Variants in UBE2E2 observed in about 807,000 individuals in gnomAD.
UBE2E2 encodes the protein ubiquitin conjugating enzyme E2 E2, also known as ubiquitin-conjugating enzyme E2 E2.
A neutral mutation model predicts 24.7 loss-of-function variants in UBE2E2; 6 were observed. That is an observed-to-expected ratio of 0.24 (90% CI 0.13 to 0.48). UBE2E2 has a LOEUF of 0.48. Ranked by LOEUF, UBE2E2 falls within the 20% of genes least tolerant of loss-of-function variation. UBE2E2 has a pLI of 0.99. For missense variants in UBE2E2, 169 were observed against 245.0 expected, an observed-to-expected ratio of 0.69 and a Z score of 2.07; for synonymous variants, 104 against 83.6, an observed-to-expected ratio of 1.24 and a Z score of -1.33.
intron 5 of UBE2E2, among the ~76,000 whole-genome samples, chr3:23,582,514 T>A (rs1696506917): frequency 6.6e-6 from 1 of 152,228 alleles, no homozygotes; most frequent in South Asian, 2.1e-4. Context: ...CGCTTTACAC[T>A]CCCACCAGCA....
chr3:23,449,289 A>G (rs1329565769), intron 3 of UBE2E2, among the ~76,000 whole-genome samples: 3 of 152,238 alleles, frequency 2.0e-5, no homozygotes, highest in Admixed American at 6.5e-5. Flanking sequence ...GACTGCTTAC[A>G]TGGATTTCTT....
At chr3:23,214,567 AGTTTTTTTTTT>A (rs1233711570) in intron 2 of UBE2E2, among the ~76,000 whole-genome samples, 2 of 151,210 alleles carry the variant, frequency 1.3e-5, no homozygotes, top group African/African-American at 4.9e-5. Flanking sequence ...AGGATTTATG[AGTTTTTTTTTT>A]GTTTTTTTTT....
chr3:23,304,545 T>C (rs886675724), intron 3 of UBE2E2, among the ~76,000 whole-genome samples: 25 of 152,228 alleles, frequency 1.6e-4, no homozygotes, highest in African/African-American at 6.0e-4. Context: ...AATGTCTGAC[T>C]TAACAGACCA....
intron 3 of UBE2E2, among the ~76,000 whole-genome samples, chr3:23,492,467 C>T (rs1420262539): frequency 6.6e-6 from 1 of 152,206 alleles, no homozygotes; most frequent in African/African-American, 2.4e-5. Context: ...CAATCACACA[C>T]ATACTTTAAG....
At chr3:23,357,839 A>G (rs1471077836) in intron 3 of UBE2E2, among the ~76,000 whole-genome samples, 2 of 126,550 alleles carry the variant, frequency 1.6e-5, no homozygotes, top group African/African-American at 6.0e-5. Flanking sequence ...ACGGAAGGAA[A>G]TCTATTTAAT....
At chr3:23,366,298 A>G (rs1341986548) in intron 3 of UBE2E2, among the ~76,000 whole-genome samples, 1 of 152,208 alleles carries the variant, frequency 6.6e-6, no homozygotes, top group Non-Finnish European at 1.5e-5. Context: ...CAACCCAGCA[A>G]TCCCTTTATT....
At chr3:23,216,903 C>G (rs527609263) in intron 2 of UBE2E2, among the ~76,000 whole-genome samples, 1 of 152,236 alleles carries the variant, frequency 6.6e-6, no homozygotes, top group East Asian at 1.9e-4. Flanking sequence ...AACTTAATAT[C>G]AGCTTTCCAT....
At chr3:23,276,782 CT>C (rs1698383381) in intron 3 of UBE2E2, among the ~76,000 whole-genome samples, 1 of 151,940 alleles carries the variant, frequency 6.6e-6, no homozygotes, top group African/African-American at 2.4e-5. Context: ...AGCATTTGTA[CT>C]TTTTGTGAAA....
At chr3:23,315,929 C>T (rs990684926) in intron 3 of UBE2E2, among the ~76,000 whole-genome samples, 1 of 152,048 alleles carries the variant, frequency 6.6e-6, no homozygotes, top group Non-Finnish European at 1.5e-5. Context: ...TCTGGATTAC[C>T]TGGCAGAGAC....
chr3:23,500,733 C>T (rs1025967932), intron 4 of UBE2E2, among the ~76,000 whole-genome samples: 2 of 152,166 alleles, frequency 1.3e-5, no homozygotes, highest in Admixed American at 6.5e-5. Context: ...TCCTTTCTTC[C>T]TTCCTTTCCA....
At chr3:23,353,330 C>A (rs1228267113) in intron 3 of UBE2E2, among the ~76,000 whole-genome samples, 1 of 151,946 alleles carries the variant, frequency 6.6e-6, no homozygotes, top group Non-Finnish European at 1.5e-5. Flanking sequence ...TGGCACAAGA[C>A]AGGGATGCCC....
intron 3 of UBE2E2, among the ~76,000 whole-genome samples, chr3:23,421,239 T>G (rs1238359710): frequency 2.0e-5 from 3 of 152,222 alleles, no homozygotes; most frequent in Admixed American, 2.0e-4. Context: ...GGCATTAAAC[T>G]CTACATAATT....
intron 1 of UBE2E2, 74 bp downstream of exon 1, chr3:23,203,538 C>T (rs1696028980): frequency 7.9e-6 from 7 of 882,200 alleles, no homozygotes; most frequent in Non-Finnish European, 9.5e-6. Context: ...CCTCACTCCC[C>T]CGACCTCCCC....
At chr3:23,269,138 C>T (rs1187963609) in intron 3 of UBE2E2, among the ~76,000 whole-genome samples, 1 of 152,134 alleles carries the variant, frequency 6.6e-6, no homozygotes, top group African/African-American at 2.4e-5. Flanking sequence ...AGGACATAGG[C>T]ATGGGCAAGG....
Position 23,378,841 on chromosome 3 carries a change from A to G in UBE2E2, c.228-120767A>G, listed in dbSNP as rs187771052. On this transcript the variant is annotated intron_variant, in intron 3 of 5. Transcript: ENST00000396703. The stretch of plus-strand genomic sequence containing the variant: ...ACAGAACTGTATAGTTGATATTTTA[A>G]CTTAAAATATTACCTGTTTGGCCTA... Among the ~76,000 whole-genome samples the G allele has an allele frequency of 2.0e-5, 3 of 152,288 alleles. No homozygotes were observed. In the East Asian group the frequency reaches 5.8e-4, roughly 29 times the overall value.
At chr3:23,245,962 A>G (rs2125341497) in intron 3 of UBE2E2, among the ~76,000 whole-genome samples, 1 of 152,336 alleles carries the variant, frequency 6.6e-6, no homozygotes, top group Admixed American at 6.5e-5. Context: ...AAAATAACAC[A>G]TTTAAAAAGG....
intron 4 of UBE2E2, among the ~76,000 whole-genome samples, chr3:23,501,789 G>A (rs1699725990): frequency 6.6e-6 from 1 of 152,090 alleles, no homozygotes; most frequent in Admixed American, 6.6e-5. Flanking sequence ...CTACCTCTGA[G>A]ACACCACACT....
At chr3:23,235,900 A>G (rs1047129461) in intron 3 of UBE2E2, among the ~76,000 whole-genome samples, 6 of 152,186 alleles carry the variant, frequency 3.9e-5, no homozygotes, top group Admixed American at 1.3e-4. Context: ...GGAGATGTCA[A>G]GTAGGCAGTT....
At chr3:23,396,318 TG>T (rs1265848341) in intron 3 of UBE2E2, among the ~76,000 whole-genome samples, 5 of 131,452 alleles carry the variant, frequency 3.8e-5, no homozygotes, top group African/African-American at 1.4e-4. Context: ...TATATATATA[TG>T]TATATATATA....
Sources: allele counts gnomAD v4.1 joint callset (sites outside exome capture counted in the v4.1 genomes callset), GRCh38; gene constraint gnomAD v4.1.1; transcripts MANE v1.5; gene names NCBI Gene and HGNC (gene_info 2026-07-23, HGNC 2026-07-21).